Variants in CLSTN2 observed in about 807,000 individuals in gnomAD.
CLSTN2 encodes calsyntenin 2, also known as calsyntenin-2.
CLSTN2 carries 48 observed loss-of-function variants against 101.2 expected under a neutral mutation model. The ratio of observed to expected loss-of-function variants is 0.47; its 90% CI spans 0.38 to 0.60. The LOEUF (loss-of-function observed/expected upper bound fraction) is 0.60. Ranked by LOEUF, CLSTN2 falls within the 20% of genes least tolerant of loss-of-function variation. The pLI is 0.00. For missense variants in CLSTN2, 1,160 were observed against 1,238.2 expected (o/e 0.94, Z 0.95); for synonymous variants, 481 against 463.6 (o/e 1.04, Z -0.48).
chr3:140,446,704 G>T (rs904094738), intron 5 of CLSTN2, among the ~76,000 whole-genome samples: 1 of 152,106 alleles, frequency 6.6e-6, no homozygotes, highest in Non-Finnish European at 1.5e-5. Flanking sequence ...ACCTTACAAA[G>T]CCAAGCCAAG....
intron 1 of CLSTN2, among the ~76,000 whole-genome samples, chr3:139,960,722 G>GGC (rs1312232274): frequency 1.3e-5 from 2 of 152,168 alleles, no homozygotes; most frequent in Non-Finnish European, 2.9e-5. Flanking sequence ...TTGCCCAGTG[G>GGC]GCTGTGTGAT....
intron 8 of CLSTN2, among the ~76,000 whole-genome samples, chr3:140,496,355 A>T (rs1934464917): frequency 2.6e-5 from 4 of 152,162 alleles, no homozygotes; most frequent in Admixed American, 2.6e-4. Flanking sequence ...CAGCTTAAGA[A>T]GCTTTTGGGC....
Position 140,562,403 on chromosome 3 carries a change from A to C in CLSTN2, c.2212+95A>C, listed in dbSNP as rs557041135. The C allele has an allele frequency of 1.3e-5, 16 of 1,236,072 alleles. No individual in the cohort carries two copies. The African/African-American group carries it at 2.4e-4, about 19-fold the overall frequency. 76.6% of individuals were successfully genotyped at this position (1,236,072 alleles called of 1,614,324 possible). ...AGTGAGATTGCACCTGTGAAGGAGC[A>C]CTGTGAAGCCCCAGGGACCAGTTGG... On this transcript the variant is annotated intron_variant, in intron 13 of 16. Coordinates refer to ENST00000458420, the MANE Select transcript of CLSTN2 (RefSeq NM_022131.3).
At chr3:139,995,803 G>A (rs960184080) in intron 1 of CLSTN2, among the ~76,000 whole-genome samples, 1 of 152,202 alleles carries the variant, frequency 6.6e-6, no homozygotes, top group African/African-American at 2.4e-5. Flanking sequence ...TACATGGATG[G>A]CAGACAGGAA....
chr3:140,301,051 CT>C (rs2087054042), intron 2 of CLSTN2, among the ~76,000 whole-genome samples: 1 of 152,122 alleles, frequency 6.6e-6, no homozygotes, highest in South Asian at 2.1e-4. Flanking sequence ...CAATTTCCTC[CT>C]TTCTCTGCCC....
intron 2 of CLSTN2, among the ~76,000 whole-genome samples, chr3:140,257,229 G>A (rs1344438968): frequency 6.6e-6 from 1 of 152,172 alleles, no homozygotes; most frequent in African/African-American, 2.4e-5. Context: ...CTTGGTGCAT[G>A]CTACATGTGG....
intron 1 of CLSTN2, among the ~76,000 whole-genome samples, chr3:139,979,665 A>G (rs969219941): frequency 3.9e-5 from 6 of 152,122 alleles, no homozygotes; most frequent in East Asian, 3.9e-4. Flanking sequence ...CATTCTCTCA[A>G]CTGACTTTTT....
intron 2 of CLSTN2, among the ~76,000 whole-genome samples, chr3:140,285,965 C>A (rs1469093605): frequency 6.6e-6 from 1 of 152,174 alleles, no homozygotes; most frequent in Non-Finnish European, 1.5e-5. Flanking sequence ...ATGGAAAGTT[C>A]AGGCACAGCC....
intron 1 of CLSTN2, among the ~76,000 whole-genome samples, chr3:140,003,724 A>AT (rs1560067263): frequency 1.3e-5 from 2 of 152,086 alleles, no homozygotes; most frequent in African/African-American, 2.4e-5. Context: ...TTTTTTGAGA[A>AT]TTTTTTGATG....
At chr3:140,358,132 A>G (rs1443470974) in intron 2 of CLSTN2, among the ~76,000 whole-genome samples, 1 of 152,044 alleles carries the variant, frequency 6.6e-6, no homozygotes, top group Non-Finnish European at 1.5e-5. Context: ...TGGCCAACCA[A>G]TGGGTCTCCT....
chr3:140,036,975 C>A (rs573723946), intron 1 of CLSTN2, among the ~76,000 whole-genome samples: 3 of 152,066 alleles, frequency 2.0e-5, no homozygotes, highest in Admixed American at 2.0e-4. Flanking sequence ...AAACATAATT[C>A]CTGTACCCTG....
chr3:140,228,985 G>A (rs1490566100), intron 2 of CLSTN2, among the ~76,000 whole-genome samples: 1 of 152,216 alleles, frequency 6.6e-6, no homozygotes, highest in African/African-American at 2.4e-5. Context: ...TTGGCATGGA[G>A]AAGAGAAAGA....
intron 1 of CLSTN2, among the ~76,000 whole-genome samples, chr3:140,089,563 TCTTC>T (rs1042535888): frequency 5.9e-5 from 9 of 151,930 alleles, no homozygotes; most frequent in African/African-American, 2.2e-4. Context: ...TCTATTTTGG[TCTTC>T]CTTTTCAGCT....
intron 1 of CLSTN2, among the ~76,000 whole-genome samples, chr3:139,999,299 T>C (rs1003580577): frequency 7.0e-6 from 1 of 142,732 alleles, no homozygotes; most frequent in Non-Finnish European, 1.5e-5. Context: ...GTTGTTTCCA[T>C]GTTTATGTCC....
At chr3:140,111,467 C>A (rs974714314) in intron 1 of CLSTN2, among the ~76,000 whole-genome samples, 1 of 152,130 alleles carries the variant, frequency 6.6e-6, no homozygotes, top group African/African-American at 2.4e-5. Flanking sequence ...CTTGAGACAA[C>A]CCCTGAAGCC....
chr3:140,165,661 G>A (rs1447768692), intron 1 of CLSTN2, among the ~76,000 whole-genome samples: 1 of 152,088 alleles, frequency 6.6e-6, no homozygotes, highest in African/African-American at 2.4e-5. Flanking sequence ...TGGGGCCTAG[G>A]GTAGCCTCAT....
intron 1 of CLSTN2, among the ~76,000 whole-genome samples, chr3:139,977,248 C>G (rs1442704617): frequency 1.3e-5 from 2 of 152,080 alleles, no homozygotes; most frequent in East Asian, 3.9e-4. Context: ...GACACACAGG[C>G]AAGCAGGCTG....
chr3:140,008,545 T>A (rs2007004646), intron 1 of CLSTN2, among the ~76,000 whole-genome samples: 1 of 152,216 alleles, frequency 6.6e-6, no homozygotes, highest in Non-Finnish European at 1.5e-5. Flanking sequence ...TCTTGCAATG[T>A]GTGGGGGTCC....
chr3:140,353,249 A>G (rs886809420), intron 2 of CLSTN2, among the ~76,000 whole-genome samples: 18 of 143,320 alleles, frequency 1.3e-4, no homozygotes, highest in African/African-American at 5.1e-4. Flanking sequence ...ACACATATAT[A>G]TATATATATA....
Sources: gnomAD v4.1 joint callset for allele counts (sites outside exome capture counted in the v4.1 genomes callset) on GRCh38, gnomAD v4.1.1 for gene constraint, MANE v1.5 for transcripts, NCBI Gene and HGNC (gene_info 2026-07-23, HGNC 2026-07-21) for gene names.